Variants in PLXNA2 observed in about 807,000 individuals in gnomAD.
The protein encoded by PLXNA2 is plexin-A2.
In PLXNA2, 91 loss-of-function variants were observed where a neutral mutation model predicts 193.5. The observed-to-expected ratio is 0.47, with a 90% CI of 0.40 to 0.56. PLXNA2 has a LOEUF of 0.56. Ranked by LOEUF, PLXNA2 falls within the 20% of genes least tolerant of loss-of-function variation. The pLI is 0.00. For missense variants in PLXNA2, 1,995 were observed against 2,503.2 expected, an observed-to-expected ratio of 0.80 and a Z score of 4.33; for synonymous variants, 997 against 1,027.3, an observed-to-expected ratio of 0.97 and a Z score of 0.56.
intron 1 of PLXNA2, among the ~76,000 whole-genome samples, chr1:208,233,220 C>T (rs886836780): frequency 2.6e-5 from 4 of 152,210 alleles, no homozygotes; most frequent in African/African-American, 9.6e-5. Flanking sequence ...AGAGCCTGGA[C>T]AATGACTTGT....
chr1:208,030,809 T>TTTTGATGCCAGCTCTTGGCCGGGTCC, intron 29 of PLXNA2: 1 of 985,376 alleles, frequency 1.0e-6, no homozygotes, highest in African/African-American at 1.7e-5. Context: ...AAAGGAAGCC[T>TTTTGATGCCAGCTCTTGGCCGGGTCC]TTTGATGCCA....
chr1:208,235,761 T>A (rs1671831143), intron 1 of PLXNA2, among the ~76,000 whole-genome samples: 1 of 152,162 alleles, frequency 6.6e-6, no homozygotes, highest in Admixed American at 6.5e-5. Context: ...CCTGCAGGAT[T>A]GTGCTGGGAG....
At chr1:208,033,605 C>T in intron 27 of PLXNA2, 96 bp from the exon 28 acceptor site, 1 of 947,658 alleles carries the variant, frequency 1.1e-6, no homozygotes, top group Non-Finnish European at 1.5e-6. Flanking sequence ...TGCATCCACT[C>T]AGAATAAACT....
chr1:208,213,091 G>A (rs1671015040), intron 2 of PLXNA2, among the ~76,000 whole-genome samples: 1 of 152,024 alleles, frequency 6.6e-6, no homozygotes, highest in African/African-American at 2.4e-5. Flanking sequence ...TTTGAGAAAT[G>A]ATGACAGAAG....
At chr1:208,105,318 C>T (rs1667235088) in intron 4 of PLXNA2, among the ~76,000 whole-genome samples, 1 of 152,244 alleles carries the variant, frequency 6.6e-6, no homozygotes, top group Admixed American at 6.5e-5. Context: ...AAAAGCTCAA[C>T]ATCATGCAAC....
At chr1:208,151,540 G>A (rs981245096) in intron 3 of PLXNA2, among the ~76,000 whole-genome samples, 1 of 152,146 alleles carries the variant, frequency 6.6e-6, no homozygotes, top group Non-Finnish European at 1.5e-5. Context: ...CTCCTCAAAA[G>A]GGGGCAGGAC....
intron 12 of PLXNA2, among the ~76,000 whole-genome samples, chr1:208,061,396 T>TA (rs1188644618): frequency 2.6e-5 from 4 of 152,056 alleles, no homozygotes; most frequent in African/African-American, 7.2e-5. Context: ...TCAAGAAACT[T>TA]AGAGTCGAGG....
chr1:208,207,730 C>T (rs1270655375), intron 3 of PLXNA2, among the ~76,000 whole-genome samples: 1 of 151,976 alleles, frequency 6.6e-6, no homozygotes, highest in Admixed American at 6.6e-5. Flanking sequence ...TGGGTTATTT[C>T]TCTGGAGAGG....
chr1:208,226,667 A>T (rs1055907295), intron 1 of PLXNA2, among the ~76,000 whole-genome samples: 2 of 152,188 alleles, frequency 1.3e-5, no homozygotes, highest in African/African-American at 2.4e-5. Flanking sequence ...GCCTGTCAGA[A>T]ATCTCCCAGA....
chr1:208,242,109 A>G (rs1324816786), intron 1 of PLXNA2, among the ~76,000 whole-genome samples: 1 of 152,160 alleles, frequency 6.6e-6, no homozygotes, highest in Non-Finnish European at 1.5e-5. Flanking sequence ...GGGTTATTGC[A>G]TAAAAGTTGT....
chr1:208,045,682 A>G (rs1665039094), intron 18 of PLXNA2, among the ~76,000 whole-genome samples, 196 bp downstream of exon 18: 1 of 152,238 alleles, frequency 6.6e-6, no homozygotes, highest in African/African-American at 2.4e-5. Context: ...AGTATTTCTT[A>G]AGAAGCCTGG....
At chr1:208,165,321 C>T (rs1669265408) in intron 3 of PLXNA2, among the ~76,000 whole-genome samples, 1 of 152,204 alleles carries the variant, frequency 6.6e-6, no homozygotes, top group African/African-American at 2.4e-5. Flanking sequence ...AATGTTTGTA[C>T]TGTGTCTGAG....
intron 4 of PLXNA2, among the ~76,000 whole-genome samples, chr1:208,135,924 C>T (rs912540630): frequency 3.9e-5 from 6 of 152,088 alleles, no homozygotes; most frequent in Non-Finnish European, 8.8e-5. Flanking sequence ...CACAAAAAGG[C>T]GATGCAATTT....
In PLXNA2 at chr1:208,039,784, G is replaced by C; in HGVS notation, c.4354-17C>G. The C allele has an allele frequency of 6.2e-7, 1 of 1,613,934 alleles. No individual in the cohort carries two copies. The highest frequency in any genetic ancestry group is 8.5e-7 in the Non-Finnish European group (1 of 1,179,928). On this transcript the variant is annotated splice_polypyrimidine_tract_variant and intron_variant, in intron 23 of 31. Transcript: ENST00000367033. Reference sequence around the variant, plus strand: ...TGCGCACTCCTGTGGGCACAGACAGGGCAGGAGGTGTGGGCACGGCCTCCT... The same window carrying C: ...TGCGCACTCCTGTGGGCACAGACAGCGCAGGAGGTGTGGGCACGGCCTCCT...
rs138024535 is a variant in PLXNA2 at position 208,026,217 on chromosome 1, G to A, written c.*1026C>T. 0.018 allele frequency: 2,730 copies of A among 152,386 alleles called. 48 individuals carry two copies. Among genetic ancestry groups the A allele is most frequent in the Non-Finnish European group, 0.029 (1,981 of 68,014 alleles). 9.4% of individuals were successfully genotyped at this position (152,386 alleles called of 1,614,324 possible). On this transcript the variant is annotated 3_prime_UTR_variant, in exon 32 of 32. Coordinates refer to ENST00000367033, the MANE Select transcript of PLXNA2 (RefSeq NM_025179.4). The stretch of plus-strand genomic sequence containing the variant: ...GGCCTGGCCCACACACCTCCAGGCC[G>A]TTTCCCCAGGGTGCCTGGTTTATGA...
At position 208,027,346 on chromosome 1, in the gene PLXNA2, GC is replaced by G; in HGVS notation, c.5590-9del. ...CTCTAGGGCCCCGATGAGCTGAGGA[GC>G]AAAAACAAAGGCAGGAAGACTTCAG... On this transcript the variant is annotated splice_polypyrimidine_tract_variant and intron_variant, in intron 31 of 31. Coordinates refer to ENST00000367033, the MANE Select transcript of PLXNA2 (RefSeq NM_025179.4). 2 of 1,610,804 alleles carry G rather than the reference GC, an allele frequency of 1.2e-6. No individual in the cohort carries two copies. Among genetic ancestry groups the G allele is most frequent in the Non-Finnish European group, 1.7e-6 (2 of 1,179,394 alleles).
At chr1:208,130,075 T>C (rs1668100887) in intron 4 of PLXNA2, among the ~76,000 whole-genome samples, 1 of 152,166 alleles carries the variant, frequency 6.6e-6, no homozygotes, top group Non-Finnish European at 1.5e-5. Context: ...AACCCCAACC[T>C]GTTTGCAAGG....
rs777465361 is a variant in PLXNA2, at chr1:208,052,359, G to T, written c.2961C>A (p.Val987=). 6.2e-6 allele frequency: 10 copies of T among 1,613,548 alleles called. No individual in the cohort carries two copies. The highest frequency in any genetic ancestry group is 8.5e-6 in the Non-Finnish European group (10 of 1,179,998). ...HYLGAGSSVA[V]YLGNQTCEFY... is the part of the protein sequence containing the mutation. ...ACTCGCAGGTCTGGTTGCCCAGGTA[G>T]ACTGCCACGCTGCTCCCAGCCCCAA... Residue 987 remains valine (V), a synonymous_variant, in exon 15 of 32, where the codon GTC becomes GTA. Coordinates refer to ENST00000367033, the MANE Select transcript of PLXNA2 (RefSeq NM_025179.4).
rs199910807 is a variant in PLXNA2 at position 208,031,580 on chromosome 1, G to C, written c.5225+10C>G. 5.0e-6 allele frequency: 8 copies of C among 1,613,814 alleles called. No individual in the cohort carries two copies. In the African/African-American group the frequency reaches 6.7e-5, roughly 13 times the overall value. ...GGCTGCACCTCCTGCTGAGCTCCCCGAGGGTTTACCAGTTGCTTTTCCAGG... is the reference window on the plus strand; with the variant it reads ...GGCTGCACCTCCTGCTGAGCTCCCCCAGGGTTTACCAGTTGCTTTTCCAGG... On this transcript the variant is annotated intron_variant, in intron 29 of 31. Transcript: ENST00000367033.
Sources: allele counts gnomAD v4.1 joint callset (sites outside exome capture counted in the v4.1 genomes callset), GRCh38; gene constraint gnomAD v4.1.1; transcripts MANE v1.5; gene names NCBI Gene and HGNC (gene_info 2026-07-23, HGNC 2026-07-21).